The following ARSD variants were observed in gnomAD, a reference collection of about 807,000 sequenced individuals.
The protein encoded by ARSD is arylsulfatase D.
ARSD carries 21 observed loss-of-function variants against 32.6 expected under a neutral mutation model. That is an observed-to-expected ratio of 0.64 (90% CI 0.46 to 0.93). The LOEUF (loss-of-function observed/expected upper bound fraction) is 0.93, where lower values mean the gene tolerates loss of function less well. Among genes scored for constraint, ARSD ranks in the 40% least tolerant of loss-of-function variants. ARSD has a pLI of 0.00. For synonymous variants in ARSD, 224 were observed against 237.4 expected (o/e 0.94, Z 0.52); for missense variants, 454 against 520.9 (o/e 0.87, Z 1.25).
At chrX:2,908,917 T>A in intron 8 of ARSD, 75 bp from the exon 9 acceptor site, 1 of 1,187,543 alleles carries the variant, frequency 8.4e-7, no homozygotes, top group Non-Finnish European at 1.1e-6. Flanking sequence ...TGGGAACACA[T>A]CTCCCAGAAT....
chrX:2,924,031 T>C (rs1016059166), intron 2 of ARSD, among the ~76,000 whole-genome samples: 3 of 111,874 alleles, frequency 2.7e-5, no homozygotes, highest in South Asian at 3.7e-4. Context: ...AGGGGGCAGA[T>C]TGATTGATTG....
intron 6 of ARSD, among the ~76,000 whole-genome samples, chrX:2,912,205 T>G (rs1182256337): frequency 8.9e-6 from 1 of 112,032 alleles, no homozygotes; most frequent in African/African-American, 3.2e-5. Flanking sequence ...CCATGTATTC[T>G]CTCTGAAGCC....
At chrX:2,914,423 G>T (rs893311954) in intron 6 of ARSD, 49 of 495,681 alleles carry the variant, frequency 9.9e-5, no homozygotes, top group East Asian at 2.4e-4. Context: ...AGAGATGGGG[G>T]GGGGGGGCGT....
At chrX:2,913,567 A>G in intron 6 of ARSD, 1 of 992,535 alleles carries the variant, frequency 1.0e-6, no homozygotes, top group Non-Finnish European at 1.3e-6. Flanking sequence ...TTCTGCAAGG[A>G]TTTTAATATC....
intron 1 of ARSD, 37 bp from the exon 2 acceptor site, chrX:2,925,802 C>T (rs1752986134): frequency 2.5e-6 from 3 of 1,196,370 alleles, no homozygotes; most frequent in Non-Finnish European, 2.3e-6. Context: ...TGACTATCTA[C>T]AATTTGGCAA....
intron 5 of ARSD, among the ~76,000 whole-genome samples, chrX:2,917,542 T>C (rs137883269): frequency 0.02 from 2,184 of 110,741 alleles, 48 homozygotes; most frequent in African/African-American, 0.068. Flanking sequence ...GGTGTGATCA[T>C]TGCTTACTGC....
chrX:2,916,240 A>T (rs1283892029), intron 5 of ARSD, among the ~76,000 whole-genome samples: 1 of 110,411 alleles, frequency 9.1e-6, no homozygotes, highest in Non-Finnish European at 1.9e-5. Context: ...CTGTAATCCC[A>T]GCACTTCGGG....
intron 9 of ARSD, 154 bp from the exon 10 acceptor site, chrX:2,907,786 C>A: frequency 2.9e-6 from 3 of 1,036,316 alleles, no homozygotes. Flanking sequence ...CAGCCTTCAG[C>A]TTGCAAAGTC....
At position 2,922,040 on chromosome X, in the gene ARSD, A is replaced by G; in HGVS notation, c.195-16T>C. 8.4e-7 allele frequency: 1 copy of G among 1,188,636 alleles called. No individual in the cohort carries two copies. ...ATTCGGCGTTCTGAGCAAAGCACACAAATGTCATTGTTGGAAGGGAGACAT... is the reference window on the plus strand; with the variant it reads ...ATTCGGCGTTCTGAGCAAAGCACACGAATGTCATTGTTGGAAGGGAGACAT... On this transcript the variant is annotated splice_polypyrimidine_tract_variant and intron_variant, in intron 2 of 9. Coordinates refer to ENST00000381154, the MANE Select transcript of ARSD (RefSeq NM_001669.4).
chrX:2,928,341 G>C (rs189989440), intron 1 of ARSD, among the ~76,000 whole-genome samples: 1 of 79,810 alleles, frequency 1.3e-5, no homozygotes, highest in African/African-American at 5.1e-5. Flanking sequence ...TGGGGGGAGG[G>C]CGCCCAATGA....
At position 2,913,506 on chromosome X, in the gene ARSD, G is replaced by A. The variant is rs182193087; in HGVS notation, c.1000+2050C>T. 2.8e-3 allele frequency: 2,721 copies of A among 955,106 alleles called. 2 individuals carry two copies. Among genetic ancestry groups the A allele is most frequent in the Non-Finnish European group, 3.3e-3 (2,484 of 745,187 alleles). 78.7% of individuals were successfully genotyped at this position (955,106 alleles called of 1,213,427 possible). On this transcript the variant is annotated intron_variant, in intron 6 of 9. Transcript: ENST00000381154. ...TTCGAATTTATTTTTGGTTTACACT[G>A]TGAACCAATCCCGCCCTATCACTAT...
chrX:2,910,816 C>T, intron 6 of ARSD, 23 bp from the exon 7 acceptor site: 1 of 1,200,827 alleles, frequency 8.3e-7, no homozygotes. Context: ...TGGAAAGTTT[C>T]AGGACCAAGA....
At chrX:2,908,515 ATC>A (rs1179965862) in intron 9 of ARSD, among the ~76,000 whole-genome samples, 27 of 80,513 alleles carry the variant, frequency 3.4e-4, no homozygotes, top group Non-Finnish European at 3.1e-4. Flanking sequence ...TGTCTCTATC[ATC>A]TCTCTCTCTC....
At chrX:2,914,119 A>G in intron 6 of ARSD, 1 of 750,454 alleles carries the variant, frequency 1.3e-6, no homozygotes. Context: ...ATTTCTTTGC[A>G]AGAATGGACT....
intron 6 of ARSD, among the ~76,000 whole-genome samples, chrX:2,915,306 C>G (rs1364974346): frequency 9.0e-6 from 1 of 111,354 alleles, no homozygotes; most frequent in Non-Finnish European, 1.9e-5. Flanking sequence ...AGGTGTGCAC[C>G]ACCACACCGG....
rs2088877854 is a variant in ARSD at position 2,908,838 on chromosome X, T to C, written c.1303A>G (p.Ile435Val). 1 of 1,208,444 alleles carries C rather than the reference T, an allele frequency of 8.3e-7. No homozygotes were observed. The highest frequency in any genetic ancestry group is 1.8e-5 in the African/African-American group (1 of 56,812). Residue 435 changes from isoleucine (I) to valine (V), a missense_variant, in exon 9 of 10, where the codon ATT becomes GTT. By Grantham distance (29) the Ile-to-Val change is conservative. Around this residue, in one of 3 missense-constraint regions of ARSD, gnomAD observed 179 missense variants for 198.5 expected, o/e 0.90. Transcript: ENST00000381154. ...AAGGGTACCAGGCTGTGGCCATCAA[T>C]CACCCTGATTTCATGAAGAGAACAC... ...VGGEVPQDRVIDGHSLVPLLQ... is the reference protein window; with the variant it reads ...VGGEVPQDRVVDGHSLVPLLQ...
intron 9 of ARSD, among the ~76,000 whole-genome samples, chrX:2,908,238 T>TCTATCTATCTATCTATCTAC (rs1246747571): frequency 4.1e-4 from 46 of 111,354 alleles, no homozygotes; most frequent in African/African-American, 1.4e-3. Flanking sequence ...TTTTTATCTA[T>TCTATCTATCTATCTATCTAC]CTATCTATCT....
At position 2,905,865 on chromosome X, in the gene ARSD, AG is replaced by A. The variant is rs1489699646; in HGVS notation, c.*1405del. The A allele has an allele frequency of 8.9e-6, 1 of 112,643 alleles. No homozygotes were observed. Among genetic ancestry groups the A allele is most frequent in the African/African-American group, 3.2e-5 (1 of 31,016 alleles). The allele number at this position is 112,643 out of a possible 1,213,427, so 9.3% of individuals were successfully genotyped here. A position where few individuals can be genotyped will look rare whatever the true frequency, so the allele number is the denominator to read the frequency against. On this transcript the variant is annotated 3_prime_UTR_variant, in exon 10 of 10. Coordinates refer to ENST00000381154, the MANE Select transcript of ARSD (RefSeq NM_001669.4). ...GTTTCTATGGATAATGGTTGGAAGC[AG>A]AAATTGGGTTGGGGCTTCCAGATAA... is the stretch of plus-strand genomic sequence containing the variant.
At chrX:2,919,794 T>G (rs1399509950) in intron 4 of ARSD, among the ~76,000 whole-genome samples, 3 of 111,059 alleles carry the variant, frequency 2.7e-5, no homozygotes, top group African/African-American at 9.8e-5. Flanking sequence ...GCTTCCCTAA[T>G]AGACAGCATT....
Sources: gnomAD v4.1 joint callset for allele counts (sites outside exome capture counted in the v4.1 genomes callset) on GRCh38, gnomAD v4.1.1 for gene constraint, gnomAD v4.1.1 regional missense constraint, MANE v1.5 for transcripts, NCBI Gene and HGNC (gene_info 2026-07-23, HGNC 2026-07-21) for gene names.